TOR1AIP1: variants seen among roughly 807,000 people sequenced by gnomAD.
TOR1AIP1 encodes torsin-1A-interacting protein 1.
In TOR1AIP1, 54 loss-of-function variants were observed where a neutral mutation model predicts 63.3. The ratio of observed to expected loss-of-function variants is 0.85; its 90% CI spans 0.69 to 1.07. The LOEUF (loss-of-function observed/expected upper bound fraction) is 1.07. Among genes scored for constraint, TOR1AIP1 ranks in the 50% least tolerant of loss-of-function variants. The pLI is 0.00. For missense variants in TOR1AIP1, 736 were observed against 715.0 expected (o/e 1.03, Z -0.33); for synonymous variants, 294 against 273.5 (o/e 1.07, Z -0.74).
rs141434743 is a variant in TOR1AIP1, at chr1:179,904,246, A to G, written c.796+224A>G. Among the ~76,000 whole-genome samples, 801 of 152,344 alleles carry G rather than the reference A, an allele frequency of 5.3e-3. 9 individuals are homozygous for G. The highest frequency in any genetic ancestry group is 0.021 in the South Asian group (101 of 4,828). On this transcript the variant is annotated intron_variant, in intron 6 of 9. Transcript: ENST00000606911. ...GAACTTAAAAAACAAACAAAAAACT[A>G]CTACTTCCTGTGATTTGTTGAATGT... is the stretch of plus-strand genomic sequence containing the variant.
intron 8 of TOR1AIP1, among the ~76,000 whole-genome samples, chr1:179,912,106 C>G (rs1167562972): frequency 6.7e-6 from 1 of 148,730 alleles, no homozygotes. Flanking sequence ...CTCACTGCAA[C>G]CTCTGCCTCC....
rs1648542150 is a variant in TOR1AIP1 at position 179,903,906 on chromosome 1, G to A, written c.740-60G>A. ...TTTATTAATTTCTCACTGTTGTCTT[G>A]TAAAATGTACAGTCTAAAAGTTGGA... On this transcript the variant is annotated intron_variant, in intron 5 of 9. Transcript: ENST00000606911. 5.8e-6 allele frequency: 7 copies of A among 1,212,914 alleles called. No individual in the cohort carries two copies. The Admixed American group carries it at 9.0e-5, about 16-fold the overall frequency. The allele number at this position is 1,212,914 out of a possible 1,614,324, so 75.1% of individuals were successfully genotyped here. A position where few individuals can be genotyped will look rare whatever the true frequency, so the allele number is the denominator to read the frequency against.
Position 179,882,953 on chromosome 1 carries a change from C to G in TOR1AIP1, c.451C>G (p.Leu151Val), listed in dbSNP as rs1647779998. 1 of 1,613,060 alleles carries G rather than the reference C, an allele frequency of 6.2e-7. No homozygotes were observed. Among genetic ancestry groups the G allele is most frequent in the Non-Finnish European group, 8.5e-7 (1 of 1,179,790 alleles). Reference sequence around the variant, plus strand: ...GTCTCCTGTTATGACCAGGAGAGGGCTGCGGGACTCTCATTCCTCTGAAGG... The same window carrying G: ...GTCTCCTGTTATGACCAGGAGAGGGGTGCGGGACTCTCATTCCTCTGAAGG... The part of the protein sequence containing the change: ...QPSPVMTRRG[L>V]RDSHSSEEDE... The change falls in exon 1 of 10, where the codon CTG becomes GTG. Residue 151 changes from leucine to valine, a missense_variant. Leu to Val is a conservative substitution (Grantham distance 32). Coordinates refer to ENST00000606911, the MANE Select transcript of TOR1AIP1 (RefSeq NM_015602.4).
chr1:179,917,416 G>A (rs756240186), intron 9 of TOR1AIP1, 36 bp from the exon 10 acceptor site: 1 of 1,550,872 alleles, frequency 6.4e-7, no homozygotes, highest in Admixed American at 2.0e-5. Flanking sequence ...TAAGAAAGTG[G>A]TATTTATATC....
chr1:179,890,350 A>G (rs1648032330), intron 3 of TOR1AIP1, among the ~76,000 whole-genome samples: 1 of 152,188 alleles, frequency 6.6e-6, no homozygotes, highest in South Asian at 2.1e-4. Flanking sequence ...ATTTATCTTT[A>G]TATTAGGCTT....
intron 2 of TOR1AIP1, 68 bp from the exon 3 acceptor site, chr1:179,889,245 C>T: frequency 2.4e-6 from 3 of 1,238,608 alleles, no homozygotes; most frequent in Non-Finnish European, 2.3e-6. Flanking sequence ...AAGGGATGAT[C>T]ATGTAATAAA....
At chr1:179,885,471 G>A (rs1425520647) in intron 2 of TOR1AIP1, among the ~76,000 whole-genome samples, 1 of 152,216 alleles carries the variant, frequency 6.6e-6, no homozygotes, top group Non-Finnish European at 1.5e-5. Context: ...AAAAGCTGGA[G>A]AAGGGATCAA....
chr1:179,900,962 C>T (rs138201773), intron 4 of TOR1AIP1, among the ~76,000 whole-genome samples: 161 of 152,240 alleles, frequency 1.1e-3, no homozygotes, highest in African/African-American at 3.8e-3. Context: ...TAACTACACA[C>T]TAATTATATG....
chr1:179,912,011 CTT>C (rs760415120), intron 8 of TOR1AIP1, among the ~76,000 whole-genome samples: 8 of 45,916 alleles, frequency 1.7e-4, no homozygotes, highest in East Asian at 8.9e-4. Context: ...TCTTTTTTTT[CTT>C]TTTTTTTTCT....
At chr1:179,892,761 A>T (rs1476867803) in intron 3 of TOR1AIP1, among the ~76,000 whole-genome samples, 3 of 151,846 alleles carry the variant, frequency 2.0e-5, no homozygotes, top group Non-Finnish European at 2.9e-5. Flanking sequence ...AAAACTTTTT[A>T]AAAAAGAGAA....
At chr1:179,902,473 G>A (rs761554313) in intron 5 of TOR1AIP1, among the ~76,000 whole-genome samples, 5 of 150,712 alleles carry the variant, frequency 3.3e-5, no homozygotes, top group East Asian at 2.0e-4. Flanking sequence ...CTGCAGCCTC[G>A]ACCTCCCAGG....
chr1:179,917,142 G>C (rs565542615), intron 9 of TOR1AIP1, among the ~76,000 whole-genome samples: 1 of 151,814 alleles, frequency 6.6e-6, no homozygotes, highest in Non-Finnish European at 1.5e-5. Flanking sequence ...TAATAACTTC[G>C]CTTTATAAAC....
At position 179,889,259 on chromosome 1, in the gene TOR1AIP1, A is replaced by G. The variant is rs547355260; in HGVS notation, c.554-54A>G. ...TAAGGGATGATCATGTAATAAAGCT[A>G]GTATGTTTCACATTTTATATATTTT... On this transcript the variant is annotated intron_variant, in intron 2 of 9. Coordinates refer to ENST00000606911, the MANE Select transcript of TOR1AIP1 (RefSeq NM_015602.4). 9.2e-5 allele frequency: 126 copies of G among 1,372,820 alleles called. 1 individual carries two copies. In the African/African-American group the frequency reaches 1.6e-3, roughly 18 times the overall value. The allele number at this position is 1,372,820 out of a possible 1,614,324, so 85.0% of individuals were successfully genotyped here.
At chr1:179,897,942 A>C (rs1162271543) in intron 3 of TOR1AIP1, among the ~76,000 whole-genome samples, 1 of 152,040 alleles carries the variant, frequency 6.6e-6, no homozygotes, top group African/African-American at 2.4e-5. Context: ...TCTCTACAAA[A>C]AGTATAAATA....
chr1:179,898,749 T>A (rs192695681), intron 3 of TOR1AIP1, among the ~76,000 whole-genome samples: 3,132 of 151,982 alleles, frequency 0.021, 123 homozygotes, highest in African/African-American at 0.072. Flanking sequence ...TTAAAAAAAA[T>A]TTTTTTCGTT....
chr1:179,894,812 G>A (rs1209310115), intron 3 of TOR1AIP1, among the ~76,000 whole-genome samples: 2 of 152,202 alleles, frequency 1.3e-5, no homozygotes, highest in Non-Finnish European at 2.9e-5. Flanking sequence ...AGTAAGCCAA[G>A]TTTATGTTTT....
At chr1:179,898,384 TAAC>T (rs1186721275) in intron 3 of TOR1AIP1, among the ~76,000 whole-genome samples, 1 of 152,122 alleles carries the variant, frequency 6.6e-6, no homozygotes, top group Admixed American at 6.5e-5. Context: ...TTTAAGATAA[TAAC>T]AAAAATATGA....
chr1:179,915,160 A>C (rs1194260855), intron 9 of TOR1AIP1, among the ~76,000 whole-genome samples: 2 of 152,190 alleles, frequency 1.3e-5, no homozygotes, highest in African/African-American at 2.4e-5. Context: ...AGATATGAAA[A>C]ATTTTAATAG....
At position 179,918,401 on chromosome 1, in the gene TOR1AIP1, T is replaced by C. The variant is rs1214188850; in HGVS notation, c.*162T>C. 56 of 662,836 alleles carry C rather than the reference T, an allele frequency of 8.4e-5. 2 individuals carry two copies. In the South Asian group the frequency reaches 9.8e-4, roughly 12 times the overall value. 41.1% of individuals were successfully genotyped at this position (662,836 alleles called of 1,614,324 possible). ...CATATAAATCATTCATTCAACCTAA[T>C]TATCTGTGATATGAGAGAATCATTT... On this transcript the variant is annotated 3_prime_UTR_variant, in exon 10 of 10. Coordinates refer to ENST00000606911, the MANE Select transcript of TOR1AIP1 (RefSeq NM_015602.4).
Sources: gnomAD v4.1 joint callset for allele counts (sites outside exome capture counted in the v4.1 genomes callset) on GRCh38, gnomAD v4.1.1 for gene constraint, MANE v1.5 for transcripts, NCBI Gene and HGNC (gene_info 2026-07-23, HGNC 2026-07-21) for gene names.